SLC25A14: variants seen among roughly 807,000 people sequenced by gnomAD.
SLC25A14 encodes the protein solute carrier family 25 member 14, also known as brain mitochondrial carrier protein 1.
A neutral mutation model predicts 28.1 loss-of-function variants in SLC25A14; 8 were observed. The ratio of observed to expected loss-of-function variants is 0.28; its 90% CI spans 0.17 to 0.51. The LOEUF is 0.51. Among genes scored for constraint, SLC25A14 ranks in the 20% least tolerant of loss-of-function variants. The probability of loss-of-function intolerance (pLI) is 0.97; values close to 1 mark genes in which losing one functional copy is unlikely to be tolerated. For missense variants in SLC25A14, 135 were observed against 263.8 expected (o/e 0.51, Z 3.38); for synonymous variants, 74 against 90.6 (o/e 0.82, Z 1.04).
In SLC25A14 at chrX:130,349,242, T is replaced by A. The variant is rs755541082; in HGVS notation, c.318-9T>A. ...GTTGAGAATAACTTTTTACTTTTTT[T>A]TTTTTCAGAATTGCTCCTGCGTTGC... is the stretch of plus-strand genomic sequence containing the variant. On this transcript the variant is annotated splice_polypyrimidine_tract_variant and intron_variant, in intron 4 of 10. Coordinates refer to ENST00000545805, the MANE Select transcript of SLC25A14 (RefSeq NM_001282195.2). The A allele has an allele frequency of 5.2e-6, 6 of 1,143,041 alleles. No homozygotes were observed. The South Asian group carries it at 9.8e-5, about 19-fold the overall frequency. 94.2% of individuals were successfully genotyped at this position (1,143,041 alleles called of 1,213,427 possible). A position where few individuals can be genotyped will look rare whatever the true frequency, so the allele number is the denominator to read the frequency against.
intron 10 of SLC25A14, among the ~76,000 whole-genome samples, chrX:130,372,656 GT>G (rs1307883269): frequency 9.1e-6 from 1 of 109,300 alleles, no homozygotes; most frequent in Non-Finnish European, 1.9e-5. Flanking sequence ...TAGAGACAGG[GT>G]TTCACCATGT....
chrX:130,357,642 A>G (rs1483084931), intron 6 of SLC25A14, among the ~76,000 whole-genome samples: 1 of 112,245 alleles, frequency 8.9e-6, no homozygotes, highest in Non-Finnish European at 1.9e-5. Context: ...GCATAAAAGC[A>G]TGTTGCCATT....
intron 6 of SLC25A14, among the ~76,000 whole-genome samples, chrX:130,357,939 C>A (rs1257104495): frequency 8.9e-6 from 1 of 111,919 alleles, no homozygotes; most frequent in Non-Finnish European, 1.9e-5. Context: ...ACACATTTTT[C>A]ATTTTTATAA....
At chrX:130,367,334 T>C (rs372821597) in intron 9 of SLC25A14, among the ~76,000 whole-genome samples, 77 of 111,378 alleles carry the variant, frequency 6.9e-4, no homozygotes, top group African/African-American at 2.5e-3. Flanking sequence ...AGAAAAGAGG[T>C]GTCAAAGATA....
rs751868317 is a variant in SLC25A14 at position 130,364,763 on chromosome X, T to C, written c.719+11T>C. On this transcript the variant is annotated intron_variant, in intron 8 of 10. Transcript: ENST00000545805. Reference sequence around the variant, plus strand: ...TTTAACTCACTTCGTGTAAGTAGGATGGGATGTGCTCATTTTATTTCCAGC... The same window carrying C: ...TTTAACTCACTTCGTGTAAGTAGGACGGGATGTGCTCATTTTATTTCCAGC... 39 of 1,199,801 alleles carry C rather than the reference T, an allele frequency of 3.3e-5. No homozygotes were observed. The Middle Eastern group carries it at 7.0e-4, about 21-fold the overall frequency.
intron 6 of SLC25A14, 101 bp from the exon 7 acceptor site, chrX:130,358,539 A>T: frequency 3.8e-6 from 2 of 531,280 alleles, no homozygotes; most frequent in Non-Finnish European, 6.1e-6. Context: ...ACTTCTTTTT[A>T]AATTTTAGAT....
chrX:130,348,793 C>T (rs112400564), intron 4 of SLC25A14, among the ~76,000 whole-genome samples: 925 of 33,833 alleles, frequency 0.027, 14 homozygotes, highest in African/African-American at 0.088. Context: ...CCCCCCCCCC[C>T]TTTTTTTTTT....
chrX:130,364,920 A>G (rs2034077772), intron 8 of SLC25A14, 168 bp downstream of exon 8: 1 of 1,010,442 alleles, frequency 9.9e-7, no homozygotes, highest in East Asian at 4.4e-5. Flanking sequence ...TACTTCACAG[A>G]AATGCCAGGT....
intron 2 of SLC25A14, among the ~76,000 whole-genome samples, chrX:130,341,312 G>C (rs954300461): frequency 1.8e-5 from 2 of 112,720 alleles, no homozygotes; most frequent in Non-Finnish European, 3.7e-5. Flanking sequence ...GGCAAGTACT[G>C]TATTTCGTAC....
chrX:130,349,677 C>T (rs2033564078), intron 5 of SLC25A14: 2 of 127,044 alleles, frequency 1.6e-5, no homozygotes, highest in Admixed American at 1.8e-4. Flanking sequence ...TTTTGATAAG[C>T]TTTTATTAGG....
intron 7 of SLC25A14, among the ~76,000 whole-genome samples, chrX:130,363,418 G>A (rs961046665): frequency 4.5e-5 from 5 of 112,322 alleles, no homozygotes; most frequent in African/African-American, 1.6e-4. Context: ...TCCATTGTGT[G>A]GGTATACCAC....
At chrX:130,369,033 A>G (rs1232414791) in intron 9 of SLC25A14, among the ~76,000 whole-genome samples, 1 of 112,485 alleles carries the variant, frequency 8.9e-6, no homozygotes, top group Non-Finnish European at 1.9e-5. Flanking sequence ...TATTTTGTCT[A>G]TGCTTATCTA....
rs776289687 is a variant in SLC25A14 at position 130,364,733 on chromosome X, A to G, written c.700A>G (p.Thr234Ala). 1.7e-6 allele frequency: 2 copies of G among 1,205,040 alleles called. No individual in the cohort carries two copies. The highest frequency in any genetic ancestry group is 2.2e-6 in the Non-Finnish European group (2 of 890,367). The change falls in exon 8 of 11, where the codon ACA (threonine) becomes GCA (alanine). Residue 234 changes from threonine to alanine, a missense_variant. Coordinates refer to ENST00000545805, the MANE Select transcript of SLC25A14 (RefSeq NM_001282195.2). ...HLILSGMMGD[T>A]ILTHFVSSFT... ...AATATTGTCAGGAATGATGGGCGAT[A>G]CAATTTTAACTCACTTCGTGTAAGT...
chrX:130,372,461 TTA>T (rs1309712379), intron 10 of SLC25A14, among the ~76,000 whole-genome samples: 1 of 83,616 alleles, frequency 1.2e-5, no homozygotes, highest in African/African-American at 3.9e-5. Flanking sequence ...ATTTATTTAT[TTA>T]TTTTTATTTT....
intron 6 of SLC25A14, among the ~76,000 whole-genome samples, chrX:130,358,380 T>G (rs1312146671): frequency 8.9e-6 from 1 of 112,002 alleles, no homozygotes; most frequent in African/African-American, 3.2e-5. Context: ...AATTTTCTTC[T>G]AGCTCCAGAA....
chrX:130,363,097 TG>T (rs1431055774), intron 7 of SLC25A14, among the ~76,000 whole-genome samples: 2 of 112,671 alleles, frequency 1.8e-5, no homozygotes, highest in Non-Finnish European at 3.7e-5. Context: ...ACGATTTAAT[TG>T]TTTCTAGTAT....
At chrX:130,344,827 G>A (rs757308218) in intron 2 of SLC25A14, among the ~76,000 whole-genome samples, 1 of 111,403 alleles carries the variant, frequency 9.0e-6, no homozygotes, top group African/African-American at 3.3e-5. Context: ...TTTGAATTCC[G>A]GGTTCCTTCA....
chrX:130,355,332 T>G (rs972639750), intron 6 of SLC25A14, among the ~76,000 whole-genome samples: 1 of 112,345 alleles, frequency 8.9e-6, no homozygotes, highest in Non-Finnish European at 1.9e-5. Flanking sequence ...TTATCTCAAT[T>G]GTTGCCTCCA....
chrX:130,361,255 A>C (rs1050981945), intron 7 of SLC25A14, among the ~76,000 whole-genome samples: 1 of 112,323 alleles, frequency 8.9e-6, no homozygotes, highest in Non-Finnish European at 1.9e-5. Flanking sequence ...GTGTGCAAAT[A>C]TCTTTTTTAG....
Sources: allele counts gnomAD v4.1 joint callset (sites outside exome capture counted in the v4.1 genomes callset), GRCh38; gene constraint gnomAD v4.1.1; transcripts MANE v1.5; gene names NCBI Gene and HGNC (gene_info 2026-07-23, HGNC 2026-07-21).